RASAL2: variants seen among roughly 807,000 people sequenced by gnomAD.
RASAL2 encodes the protein ras GTPase-activating protein nGAP.
Under a neutral mutation model 128.9 loss-of-function variants are expected in RASAL2, and 58 were observed. That is an observed-to-expected ratio of 0.45 (90% CI 0.36 to 0.56). The LOEUF is 0.56. RASAL2 is among the 20% of genes least tolerant of loss of function. The probability of loss-of-function intolerance (pLI) is 0.00; values close to 1 mark genes in which losing one functional copy is unlikely to be tolerated. For missense variants in RASAL2, 1,360 were observed against 1,601.6 expected (o/e 0.85, Z 2.57); for synonymous variants, 561 against 580.8 (o/e 0.97, Z 0.49).
intron 1 of RASAL2, among the ~76,000 whole-genome samples, chr1:178,208,733 T>A (rs977352778): frequency 4.6e-5 from 7 of 152,186 alleles, no homozygotes; most frequent in African/African-American, 1.7e-4. Context: ...GTGATCTTTG[T>A]ACCTACTCTC....
intron 1 of RASAL2, among the ~76,000 whole-genome samples, chr1:178,112,033 T>C (rs566253889): frequency 6.6e-6 from 1 of 152,180 alleles, no homozygotes; most frequent in Admixed American, 6.5e-5. Flanking sequence ...CTGGCCTCTT[T>C]TGTCAATTTT....
chr1:178,470,859 C>T, intron 17 of RASAL2: 1 of 568,416 alleles, frequency 1.8e-6, no homozygotes, highest in Non-Finnish European at 2.8e-6. Flanking sequence ...AGATTGCTTT[C>T]CCTTACAATC....
At chr1:178,263,182 T>A (rs947108076) in intron 1 of RASAL2, among the ~76,000 whole-genome samples, 1 of 152,332 alleles carries the variant, frequency 6.6e-6, no homozygotes, top group East Asian at 1.9e-4. Flanking sequence ...TCAGATTTTA[T>A]TACAATATTT....
chr1:178,164,859 G>GTGTA (rs1661467773), intron 1 of RASAL2, among the ~76,000 whole-genome samples: 1 of 150,874 alleles, frequency 6.6e-6, no homozygotes, highest in Non-Finnish European at 1.5e-5. Context: ...GTGTGTGTGT[G>GTGTA]TGTGTGTATA....
chr1:178,309,298 A>G (rs942806074), intron 3 of RASAL2, among the ~76,000 whole-genome samples: 1 of 152,180 alleles, frequency 6.6e-6, no homozygotes, highest in African/African-American at 2.4e-5. Context: ...AGATTATTTG[A>G]CTACTGTCTA....
chr1:178,262,434 A>T (rs973920852), intron 1 of RASAL2, among the ~76,000 whole-genome samples: 30 of 152,198 alleles, frequency 2.0e-4, no homozygotes, highest in Non-Finnish European at 4.3e-4. Flanking sequence ...TTTAAGGCTT[A>T]ATTTGTGTGT....
chr1:178,452,342 G>C (rs544340667), intron 10 of RASAL2, 74 bp from the exon 11 acceptor site: 1 of 1,281,616 alleles, frequency 7.8e-7, no homozygotes, highest in Admixed American at 1.7e-5. Flanking sequence ...AGTATATTGG[G>C]TCAGGGTGGA....
chr1:178,401,989 C>A (rs1004784098), intron 4 of RASAL2, among the ~76,000 whole-genome samples: 1 of 152,166 alleles, frequency 6.6e-6, no homozygotes, highest in Non-Finnish European at 1.5e-5. Context: ...GTATTTTTTA[C>A]CGTTCTTCAA....
intron 1 of RASAL2, 61 bp from the exon 2 acceptor site, chr1:178,283,503 A>T: frequency 6.4e-7 from 1 of 1,559,166 alleles, no homozygotes; most frequent in Middle Eastern, 1.7e-4. Flanking sequence ...TACATTTGAA[A>T]TACTGGTTTA....
chr1:178,236,756 CTTTTTTT>C (rs549848632), intron 1 of RASAL2, among the ~76,000 whole-genome samples: 19 of 118,426 alleles, frequency 1.6e-4, no homozygotes, highest in African/African-American at 2.0e-4. Context: ...TTGGACACTA[CTTTTTTT>C]TTTTTTTTTT....
At chr1:178,189,834 G>A (rs1662428865) in intron 1 of RASAL2, among the ~76,000 whole-genome samples, 1 of 152,118 alleles carries the variant, frequency 6.6e-6, no homozygotes, top group African/African-American at 2.4e-5. Context: ...ATTTACAGCA[G>A]TCCACGAATG....
At chr1:178,122,426 G>A (rs1285780942) in intron 1 of RASAL2, among the ~76,000 whole-genome samples, 1 of 152,194 alleles carries the variant, frequency 6.6e-6, no homozygotes, top group Non-Finnish European at 1.5e-5. Context: ...AAATGGAGAA[G>A]TTGAAATTGA....
intron 1 of RASAL2, among the ~76,000 whole-genome samples, chr1:178,255,780 CAACAACAA>C (rs1214717710): frequency 6.6e-6 from 1 of 151,826 alleles, no homozygotes; most frequent in Non-Finnish European, 1.5e-5. Flanking sequence ...AATAGAAGAA[CAACAACAA>C]AACAAGAGAT....
chr1:178,128,793 T>C (rs1659993188), intron 1 of RASAL2, among the ~76,000 whole-genome samples: 1 of 152,128 alleles, frequency 6.6e-6, no homozygotes, highest in South Asian at 2.1e-4. Context: ...AATTTGTGGC[T>C]CTTTGTGACT....
chr1:178,296,357 GTTTTGTT>G (rs1452425599), intron 2 of RASAL2, among the ~76,000 whole-genome samples: 2 of 151,792 alleles, frequency 1.3e-5, no homozygotes, highest in African/African-American at 4.8e-5. Context: ...AAAGTGCTCG[GTTTTGTT>G]TGTTTGTTTT....
intron 1 of RASAL2, among the ~76,000 whole-genome samples, chr1:178,152,433 GGTT>G (rs1449878598): frequency 1.3e-5 from 2 of 152,138 alleles, no homozygotes; most frequent in Admixed American, 1.3e-4. Flanking sequence ...AATATGAAGA[GGTT>G]GTTGTGGAGA....
At chr1:178,453,317 A>C (rs1367058161) in intron 11 of RASAL2, among the ~76,000 whole-genome samples, 1 of 152,024 alleles carries the variant, frequency 6.6e-6, no homozygotes, top group Non-Finnish European at 1.5e-5. Context: ...TTTATGTAAG[A>C]GATATTCCTT....
intron 12 of RASAL2, among the ~76,000 whole-genome samples, chr1:178,454,912 A>T (rs1677656346): frequency 1.3e-5 from 2 of 152,160 alleles, no homozygotes; most frequent in South Asian, 2.1e-4. Context: ...TACAGAGTGC[A>T]TATCTGAAAA....
chr1:178,419,668 T>C (rs1213463524), intron 4 of RASAL2, among the ~76,000 whole-genome samples: 1 of 152,180 alleles, frequency 6.6e-6, no homozygotes, highest in Non-Finnish European at 1.5e-5. Context: ...GTAGTGACCG[T>C]CATTCATTTT....
Sources: gnomAD v4.1 joint callset for allele counts (sites outside exome capture counted in the v4.1 genomes callset) on GRCh38, gnomAD v4.1.1 for gene constraint, MANE v1.5 for transcripts, NCBI Gene and HGNC (gene_info 2026-07-23, HGNC 2026-07-21) for gene names.